Variants in OPCML observed in about 807,000 individuals in gnomAD.
OPCML encodes the protein opioid binding protein/cell adhesion molecule like, also known as opioid-binding protein/cell adhesion molecule.
OPCML carries 13 observed loss-of-function variants against 37.8 expected under a neutral mutation model. That is an observed-to-expected ratio of 0.34 (90% CI 0.22 to 0.55). The LOEUF is 0.55. Ranked by LOEUF, OPCML falls within the 20% of genes least tolerant of loss-of-function variation. OPCML has a pLI of 0.91. For missense variants in OPCML, 341 were observed against 435.6 expected (o/e 0.78, Z 1.93); for synonymous variants, 176 against 168.8 (o/e 1.04, Z -0.33).
intron 3 of OPCML, among the ~76,000 whole-genome samples, chr11:132,609,557 T>C (rs1938513844): frequency 6.6e-6 from 1 of 152,172 alleles, no homozygotes; most frequent in African/African-American, 2.4e-5. Flanking sequence ...CACGGAGTGC[T>C]GTATGCTTAG....
chr11:132,490,860 C>T (rs768184022), intron 4 of OPCML, among the ~76,000 whole-genome samples: 13 of 151,884 alleles, frequency 8.6e-5, no homozygotes, highest in Non-Finnish European at 1.9e-4. Context: ...TGTCTTCTCC[C>T]GTGTCTAAAG....
At chr11:133,029,826 T>A (rs1365097798) in intron 1 of OPCML, among the ~76,000 whole-genome samples, 1 of 150,664 alleles carries the variant, frequency 6.6e-6, no homozygotes, top group Non-Finnish European at 1.5e-5. Context: ...TATATTCTTG[T>A]AACAAACCTG....
chr11:132,635,094 T>A (rs1162420587), intron 3 of OPCML, among the ~76,000 whole-genome samples: 1 of 152,168 alleles, frequency 6.6e-6, no homozygotes, highest in African/African-American at 2.4e-5. Flanking sequence ...CCCATGATTA[T>A]TACAGTGTGG....
chr11:133,099,316 G>A (rs1423250871), intron 1 of OPCML, among the ~76,000 whole-genome samples: 1 of 151,240 alleles, frequency 6.6e-6, no homozygotes, highest in Non-Finnish European at 1.5e-5. Context: ...AGGCTGGAGT[G>A]CAGTGGCACA....
At chr11:132,600,618 G>A (rs1369784039) in intron 3 of OPCML, among the ~76,000 whole-genome samples, 1 of 152,134 alleles carries the variant, frequency 6.6e-6, no homozygotes, top group Non-Finnish European at 1.5e-5. Flanking sequence ...TATATGACGT[G>A]TGACAACAAG....
chr11:132,998,005 C>A (rs1242587701), intron 1 of OPCML, among the ~76,000 whole-genome samples: 1 of 152,102 alleles, frequency 6.6e-6, no homozygotes, highest in Admixed American at 6.5e-5. Context: ...AACATTCTTT[C>A]TCTTGCTAAC....
intron 1 of OPCML, among the ~76,000 whole-genome samples, chr11:132,960,428 C>T (rs763126501): frequency 6.6e-6 from 1 of 152,146 alleles, no homozygotes; most frequent in Non-Finnish European, 1.5e-5. Context: ...GAGGTTGGGG[C>T]GAGGCCAGGA....
chr11:132,421,010 C>T (rs1332720950), intron 7 of OPCML, among the ~76,000 whole-genome samples: 8 of 151,880 alleles, frequency 5.3e-5, no homozygotes. Flanking sequence ...TCTCTGGCCC[C>T]TTCCTGTATC....
chr11:132,784,168 C>A (rs1236985190), intron 2 of OPCML, among the ~76,000 whole-genome samples: 2 of 152,144 alleles, frequency 1.3e-5, no homozygotes, highest in Non-Finnish European at 2.9e-5. Flanking sequence ...AGCCAGGGTG[C>A]TATAATTCAA....
At chr11:133,294,393 C>T (rs906525667) in intron 1 of OPCML, among the ~76,000 whole-genome samples, 12 of 152,132 alleles carry the variant, frequency 7.9e-5, no homozygotes, top group African/African-American at 2.9e-4. Context: ...TCCTCTTCAG[C>T]TTGAGCCACC....
intron 3 of OPCML, among the ~76,000 whole-genome samples, chr11:132,602,580 C>T (rs144218973): frequency 1.1e-4 from 16 of 152,142 alleles, no homozygotes; most frequent in Admixed American, 7.9e-4. Context: ...AGAGCCCTGG[C>T]GACACCTTCC....
chr11:132,714,753 G>C (rs929538202), intron 2 of OPCML, among the ~76,000 whole-genome samples: 2 of 152,146 alleles, frequency 1.3e-5, no homozygotes, highest in African/African-American at 4.8e-5. Context: ...TCTTTTCAAG[G>C]ACACACCGGT....
At chr11:132,903,328 C>A (rs1204263294) in intron 2 of OPCML, among the ~76,000 whole-genome samples, 1 of 152,202 alleles carries the variant, frequency 6.6e-6, no homozygotes, top group Non-Finnish European at 1.5e-5. Flanking sequence ...ATAAACTAGA[C>A]ATGGCTGAGA....
At chr11:132,541,417 T>C (rs1038057848) in intron 3 of OPCML, among the ~76,000 whole-genome samples, 4 of 152,126 alleles carry the variant, frequency 2.6e-5, no homozygotes, top group African/African-American at 7.2e-5. Flanking sequence ...TATAGGGTCA[T>C]TGGGAGGAAT....
chr11:132,956,904 G>A (rs574214578), intron 1 of OPCML, among the ~76,000 whole-genome samples: 20 of 152,310 alleles, frequency 1.3e-4, no homozygotes, highest in Non-Finnish European at 2.5e-4. Context: ...GCCAAGGTGG[G>A]AGGGTTGCTT....
At chr11:133,009,276 A>G (rs530090354) in intron 1 of OPCML, 4 of 971,182 alleles carry the variant, frequency 4.1e-6, no homozygotes, top group South Asian at 9.5e-5. Context: ...TTAAAATGCA[A>G]TGGTACATAT....
chr11:132,757,874 T>A (rs978008267), intron 2 of OPCML, among the ~76,000 whole-genome samples: 7 of 152,232 alleles, frequency 4.6e-5, no homozygotes, highest in Non-Finnish European at 2.9e-5. Context: ...TCTTTGTCCA[T>A]GCCTATGTCC....
At chr11:132,714,359 G>A (rs1243889742) in intron 2 of OPCML, among the ~76,000 whole-genome samples, 1 of 152,024 alleles carries the variant, frequency 6.6e-6, no homozygotes, top group Non-Finnish European at 1.5e-5. Flanking sequence ...AAAGGTGGTC[G>A]GCCTGTAAAT....
chr11:132,471,146 T>C (rs999648022), intron 4 of OPCML, among the ~76,000 whole-genome samples: 2 of 152,154 alleles, frequency 1.3e-5, no homozygotes, highest in African/African-American at 4.8e-5. Context: ...CAGCCCTTGA[T>C]AAAGTTTCAG....
Sources: allele counts gnomAD v4.1 joint callset (sites outside exome capture counted in the v4.1 genomes callset), GRCh38; gene constraint gnomAD v4.1.1; transcripts MANE v1.5; gene names NCBI Gene and HGNC (gene_info 2026-07-23, HGNC 2026-07-21).